Variants in SH3KBP1 observed in about 807,000 individuals in gnomAD.
SH3KBP1 encodes the protein SH3 domain-containing kinase-binding protein 1.
SH3KBP1 carries 8 observed loss-of-function variants against 50.1 expected under a neutral mutation model. The ratio of observed to expected loss-of-function variants is 0.16; its 90% CI spans 0.09 to 0.29. The LOEUF is 0.29. Ranked by LOEUF, SH3KBP1 falls within the 10% of genes least tolerant of loss-of-function variation. The pLI, the probability that SH3KBP1 is intolerant of heterozygous loss-of-function variation, is 1.00. For missense variants in SH3KBP1, 377 were observed against 535.2 expected (o/e 0.70, Z 2.92); for synonymous variants, 227 against 218.6 (o/e 1.04, Z -0.34).
intron 3 of SH3KBP1, among the ~76,000 whole-genome samples, chrX:19,708,920 G>A (rs767571797): frequency 8.9e-6 from 1 of 111,810 alleles, no homozygotes; most frequent in East Asian, 2.8e-4. Flanking sequence ...ACCATCTGAA[G>A]ATCTAGTGTT....
chrX:19,660,670 A>C (rs918391674), intron 6 of SH3KBP1, among the ~76,000 whole-genome samples: 4 of 111,791 alleles, frequency 3.6e-5, no homozygotes, highest in Non-Finnish European at 7.5e-5. Context: ...GCTGCATCCA[A>C]ACTTATCTAC....
At chrX:19,746,566 T>C in intron 2 of SH3KBP1, 125 bp from the exon 3 acceptor site, 1 of 628,274 alleles carries the variant, frequency 1.6e-6, no homozygotes, top group Admixed American at 3.5e-5. Flanking sequence ...TAACATCATG[T>C]TTTAAAAACA....
At chrX:19,847,268 G>A (rs1246398920) in intron 1 of SH3KBP1, among the ~76,000 whole-genome samples, 2 of 111,399 alleles carry the variant, frequency 1.8e-5, no homozygotes, top group African/African-American at 6.5e-5. Flanking sequence ...TCCTGCTACC[G>A]CGAGCCCCTA....
chrX:19,578,701 A>T (rs978732628), intron 12 of SH3KBP1, among the ~76,000 whole-genome samples: 3 of 112,200 alleles, frequency 2.7e-5, no homozygotes, highest in Non-Finnish European at 5.6e-5. Context: ...TTTCTCTCAA[A>T]TGAACAGCAA....
intron 16 of SH3KBP1, among the ~76,000 whole-genome samples, chrX:19,539,316 G>A (rs1317711688): frequency 8.9e-6 from 1 of 112,434 alleles, no homozygotes; most frequent in East Asian, 2.8e-4. Flanking sequence ...GGATGAGCAC[G>A]ATGATGGTCC....
At chrX:19,598,233 A>T (rs377735867) in intron 9 of SH3KBP1, among the ~76,000 whole-genome samples, 10 of 66,523 alleles carry the variant, frequency 1.5e-4, no homozygotes, top group African/African-American at 3.3e-4. Context: ...GTCTGTTTTT[A>T]TTTATTTATT....
chrX:19,659,207 C>A (rs755946657), intron 6 of SH3KBP1, among the ~76,000 whole-genome samples: 2 of 105,645 alleles, frequency 1.9e-5, no homozygotes, highest in African/African-American at 7.0e-5. Flanking sequence ...CTCTGCCTCT[C>A]GGGTTCAGGT....
At chrX:19,742,549 T>C (rs749230681) in intron 3 of SH3KBP1, among the ~76,000 whole-genome samples, 49 of 110,984 alleles carry the variant, frequency 4.4e-4, no homozygotes, top group Non-Finnish European at 7.4e-4. Context: ...AAACTCAACA[T>C]TTGAATGCGT....
intron 8 of SH3KBP1, among the ~76,000 whole-genome samples, chrX:19,624,976 T>G (rs1361498865): frequency 1.8e-5 from 2 of 111,970 alleles, no homozygotes; most frequent in Non-Finnish European, 3.8e-5. Flanking sequence ...ACGTGCTAAT[T>G]TACTCCTCAC....
chrX:19,811,748 T>C lies in SH3KBP1; in HGVS notation c.162+24377A>G, dbSNP rs1212449685. ...CACTAGCTATCTCAGACCTTGACCATGGCTTCGTTTGACAGCCAGGAAAAG... is the reference window on the plus strand; with the variant it reads ...CACTAGCTATCTCAGACCTTGACCACGGCTTCGTTTGACAGCCAGGAAAAG... On this transcript the variant is annotated intron_variant, in intron 2 of 17. Coordinates refer to ENST00000397821, the MANE Select transcript of SH3KBP1 (RefSeq NM_031892.3). 2.7e-5 allele frequency among the ~76,000 whole-genome samples: 3 copies of C among 111,879 alleles called. No individual in the cohort carries two copies. In the Admixed American group the frequency reaches 2.8e-4, roughly 11 times the overall value.
chrX:19,856,376 T>A (rs958317016), intron 1 of SH3KBP1, among the ~76,000 whole-genome samples: 1 of 111,831 alleles, frequency 8.9e-6, no homozygotes, highest in Admixed American at 9.5e-5. Context: ...AAAGTAGATC[T>A]CATATAAGGA....
Position 19,887,374 on chromosome X carries a change from T to G in SH3KBP1, c.-64A>C. The G allele has an allele frequency of 1.1e-6, 1 of 912,117 alleles. No homozygotes were observed. Among genetic ancestry groups the G allele is most frequent in the Non-Finnish European group, 1.4e-6 (1 of 731,065 alleles). The allele number at this position is 912,117 out of a possible 1,213,427, so 75.2% of individuals were successfully genotyped here. The stretch of plus-strand genomic sequence containing the variant: ...AGTTGGCGGAGGCGGGCGTGGGGGT[T>G]GGGGCGCCGGGATCGGGGCGCTGGG... On this transcript the variant is annotated 5_prime_UTR_variant, in exon 1 of 18. Transcript: ENST00000397821.
At chrX:19,867,920 TA>T in intron 1 of SH3KBP1, among the ~76,000 whole-genome samples, 1 of 108,345 alleles carries the variant, frequency 9.2e-6, no homozygotes, top group Non-Finnish European at 1.9e-5. Context: ...CCTAAAGGAG[TA>T]GGGACCTGTA....
chrX:19,569,582 G>GT (rs1177739171), intron 12 of SH3KBP1, among the ~76,000 whole-genome samples: 2 of 112,409 alleles, frequency 1.8e-5, no homozygotes. Flanking sequence ...AATGCTGCTT[G>GT]TCAAAGGTCA....
In SH3KBP1 at chrX:19,644,186, G is replaced by C. The variant is rs772646886; in HGVS notation, c.802+1214C>G. ...ACTCTAAAACTATACTGTCCACAGGGAGTAGGCAGACAGTTACCAGAGGCT... is the reference window on the plus strand; with the variant it reads ...ACTCTAAAACTATACTGTCCACAGGCAGTAGGCAGACAGTTACCAGAGGCT... On this transcript the variant is annotated intron_variant, in intron 7 of 17. Transcript: ENST00000397821. Among the ~76,000 whole-genome samples, 22 of 111,630 alleles carry C rather than the reference G, an allele frequency of 2.0e-4. 1 individual carries two copies. In the Admixed American group the frequency reaches 2.1e-3, roughly 11 times the overall value.
At chrX:19,661,894 T>G (rs972928704) in intron 6 of SH3KBP1, among the ~76,000 whole-genome samples, 3 of 111,501 alleles carry the variant, frequency 2.7e-5, no homozygotes, top group African/African-American at 9.8e-5. Flanking sequence ...CCCAAAGTGC[T>G]GGGATTACAG....
intron 13 of SH3KBP1, among the ~76,000 whole-genome samples, chrX:19,561,699 A>G (rs1283610599): frequency 4.5e-5 from 5 of 111,422 alleles, no homozygotes; most frequent in Admixed American, 9.6e-5. Context: ...ATTAAGCTAA[A>G]TTTGTTCAAT....
intron 2 of SH3KBP1, among the ~76,000 whole-genome samples, chrX:19,783,465 C>T (rs1332871922): frequency 9.0e-6 from 1 of 111,434 alleles, no homozygotes; most frequent in African/African-American, 3.3e-5. Flanking sequence ...TTATAGTCAG[C>T]CTATGATGCC....
At chrX:19,838,355 T>C (rs188281423) in intron 1 of SH3KBP1, among the ~76,000 whole-genome samples, 1 of 111,741 alleles carries the variant, frequency 8.9e-6, no homozygotes, top group Admixed American at 9.5e-5. Context: ...CAGCATTCCA[T>C]GTGATGCTAA....
Sources: allele counts gnomAD v4.1 joint callset (sites outside exome capture counted in the v4.1 genomes callset), GRCh38; gene constraint gnomAD v4.1.1; transcripts MANE v1.5; gene names NCBI Gene and HGNC (gene_info 2026-07-23, HGNC 2026-07-21).